Variants in SBF2 observed in about 807,000 individuals in gnomAD.
SBF2 encodes SET binding factor 2.
SBF2 carries 112 observed loss-of-function variants against 225.2 expected under a neutral mutation model. The observed-to-expected ratio is 0.50, with a 90% CI of 0.43 to 0.58. The LOEUF (loss-of-function observed/expected upper bound fraction) is 0.58. SBF2 is among the 20% of genes least tolerant of loss of function. The pLI is 0.00. For synonymous variants in SBF2, 763 were observed against 773.3 expected, an observed-to-expected ratio of 0.99 and a Z score of 0.22; for missense variants, 1,996 against 2,206.2, an observed-to-expected ratio of 0.90 and a Z score of 1.91.
intron 2 of SBF2, among the ~76,000 whole-genome samples, chr11:10,108,640 T>C (rs1289024075): frequency 6.9e-6 from 1 of 145,170 alleles, no homozygotes; most frequent in Non-Finnish European, 1.5e-5. Context: ...TTCTCCTGCC[T>C]CAGCCTCCCG....
intron 2 of SBF2, among the ~76,000 whole-genome samples, chr11:10,057,541 G>A (rs1950296379): frequency 6.6e-6 from 1 of 152,278 alleles, no homozygotes; most frequent in Middle Eastern, 3.4e-3. Flanking sequence ...TGGGATGATT[G>A]CACTGAGTGA....
At chr11:9,866,281 G>GA (rs532655828) in intron 17 of SBF2, among the ~76,000 whole-genome samples, 17 of 147,044 alleles carry the variant, frequency 1.2e-4, no homozygotes, top group African/African-American at 2.7e-4. Context: ...CAATCCTGAG[G>GA]AAAAAAAAAC....
rs759550730 is a variant in SBF2 at position 9,853,679 on chromosome 11, T to C, written c.2397A>G (p.Thr799=). The C allele has an allele frequency of 1.4e-5, 23 of 1,613,938 alleles. No individual in the cohort carries two copies. The East Asian group carries it at 4.2e-4, about 30-fold the overall frequency. Residue 799 remains threonine, a synonymous_variant, in exon 20 of 40, where the codon ACA becomes ACG. Transcript: ENST00000256190. ...TCTCTGAATCTTCAAACCCACTCTC[T>C]GTATCATAGCTCTCAGCTACACTTC... The part of the protein sequence containing the change: ...IAGSVAESYD[T]ESGFEDSENT...
intron 2 of SBF2, among the ~76,000 whole-genome samples, chr11:10,143,364 G>T (rs1279132608): frequency 6.6e-6 from 1 of 152,034 alleles, no homozygotes; most frequent in Non-Finnish European, 1.5e-5. Flanking sequence ...TAGAAACGGG[G>T]TTTCACCATG....
intron 4 of SBF2, among the ~76,000 whole-genome samples, chr11:10,030,217 A>G (rs1351348484): frequency 6.6e-6 from 1 of 152,196 alleles, no homozygotes; most frequent in African/African-American, 2.4e-5. Flanking sequence ...AAAACTTAGA[A>G]ATTTTATCTT....
chr11:9,927,325 C>T lies in SBF2; in HGVS notation c.1861-31314G>A, dbSNP rs143274444. ...CCAAATATTTAAGGAAGCAATAATA[C>T]CAATTCTAGACAAACTCTACTGGAA... On this transcript the variant is annotated intron_variant, in intron 16 of 39. Coordinates refer to ENST00000256190, the MANE Select transcript of SBF2 (RefSeq NM_030962.4). Among the ~76,000 whole-genome samples, 5 of 152,232 alleles carry T rather than the reference C, an allele frequency of 3.3e-5. No homozygotes were observed. The East Asian group carries it at 7.7e-4, about 23-fold the overall frequency.
chr11:9,782,696 C>A (rs1852093786), intron 38 of SBF2, among the ~76,000 whole-genome samples: 2 of 151,742 alleles, frequency 1.3e-5, no homozygotes, highest in Admixed American at 1.3e-4. Flanking sequence ...TATGGTGAAA[C>A]CCCGTCTCTA....
chr11:9,843,557 C>T (rs1856320660), intron 24 of SBF2, among the ~76,000 whole-genome samples: 1 of 152,200 alleles, frequency 6.6e-6, no homozygotes, highest in Non-Finnish European at 1.5e-5. Context: ...GGTGAAGACT[C>T]TGAAGACTGT....
At chr11:9,912,696 C>T (rs1003255164) in intron 16 of SBF2, among the ~76,000 whole-genome samples, 18 of 152,220 alleles carry the variant, frequency 1.2e-4, no homozygotes, top group African/African-American at 2.9e-4. Context: ...ATTGGACATT[C>T]CTGGTACCAT....
At chr11:10,291,784 TTAAG>T (rs755473596) in intron 1 of SBF2, among the ~76,000 whole-genome samples, 1 of 151,972 alleles carries the variant, frequency 6.6e-6, no homozygotes, top group African/African-American at 2.4e-5. Flanking sequence ...GCAAAAACAA[TTAAG>T]TATTAACTTT....
At chr11:9,966,783 A>G (rs1161091473) in intron 14 of SBF2, among the ~76,000 whole-genome samples, 1 of 152,226 alleles carries the variant, frequency 6.6e-6, no homozygotes, top group African/African-American at 2.4e-5. Flanking sequence ...AATGTTCAGT[A>G]TCAGTGGCTG....
chr11:10,292,132 C>G (rs1241717523), intron 1 of SBF2, among the ~76,000 whole-genome samples: 1 of 152,170 alleles, frequency 6.6e-6, no homozygotes, highest in African/African-American at 2.4e-5. Context: ...ATCCTTTTGC[C>G]AGTAAAGAGA....
chr11:9,786,683 T>A (rs1852393454), intron 36 of SBF2, among the ~76,000 whole-genome samples: 1 of 152,200 alleles, frequency 6.6e-6, no homozygotes, highest in African/African-American at 2.4e-5. Flanking sequence ...GATTGGTGGC[T>A]CTACCAGTTG....
chr11:10,295,526 C>T (rs1964479048), upstream of SBF2, among the ~76,000 whole-genome samples: 1 of 151,728 alleles, frequency 6.6e-6, no homozygotes, highest in Admixed American at 6.6e-5. Flanking sequence ...AATGGTAAAA[C>T]TGAATCAGCT....
At chr11:10,158,607 T>C (rs2135199371) in intron 2 of SBF2, among the ~76,000 whole-genome samples, 1 of 152,216 alleles carries the variant, frequency 6.6e-6, no homozygotes, top group East Asian at 1.9e-4. Flanking sequence ...TAAAACCTAC[T>C]AACACTGAAT....
chr11:10,210,779 G>A (rs1424104426), intron 1 of SBF2, among the ~76,000 whole-genome samples: 4 of 151,920 alleles, frequency 2.6e-5, no homozygotes, highest in South Asian at 2.1e-4. Context: ...TTGGGAGGCC[G>A]AGGGAGGTGG....
chr11:10,297,420 T>A (rs76369950), upstream of SBF2, among the ~76,000 whole-genome samples: 486 of 152,278 alleles, frequency 3.2e-3, 11 homozygotes, highest in East Asian at 0.075. Context: ...AAAGTCCACT[T>A]TTTTAGTTTG....
chr11:9,932,597 C>T (rs1466126063), intron 16 of SBF2, among the ~76,000 whole-genome samples: 1 of 152,080 alleles, frequency 6.6e-6, no homozygotes, highest in Admixed American at 6.5e-5. Context: ...ATTTTGTCAC[C>T]ACCAGGCCTG....
intron 2 of SBF2, among the ~76,000 whole-genome samples, chr11:10,075,836 G>A (rs544846672): frequency 2.0e-5 from 3 of 152,038 alleles, no homozygotes; most frequent in Admixed American, 1.3e-4. Context: ...TGCAACAGAG[G>A]ACACCTCTAG....
Sources: gnomAD v4.1 joint callset for allele counts (sites outside exome capture counted in the v4.1 genomes callset) on GRCh38, gnomAD v4.1.1 for gene constraint, MANE v1.5 for transcripts, NCBI Gene and HGNC (gene_info 2026-07-23, HGNC 2026-07-21) for gene names.